ERAP1: variants seen among roughly 807,000 people sequenced by gnomAD.
ERAP1 encodes endoplasmic reticulum aminopeptidase 1.
ERAP1 carries 86 observed loss-of-function variants against 103.7 expected under a neutral mutation model. That is an observed-to-expected ratio of 0.83 (90% CI 0.70 to 0.99). The LOEUF is 0.99. ERAP1 is among the 50% of genes least tolerant of loss of function. The pLI is 0.00. For synonymous variants in ERAP1, 398 were observed against 402.4 expected, an observed-to-expected ratio of 0.99 and a Z score of 0.13; for missense variants, 1,009 against 1,128.4, an observed-to-expected ratio of 0.89 and a Z score of 1.52.
chr5:96,915,607 C>T, the ERAP1 span: 138 of 702,092 alleles, frequency 2.0e-4, no homozygotes, highest in Admixed American at 8.4e-4. Context: ...TATTAATATA[C>T]ATTAAAAATA....
At chr5:96,896,798 C>CAG in the ERAP1 span, 1 of 1,360,904 alleles carries the variant, frequency 7.3e-7, no homozygotes, top group Non-Finnish European at 9.6e-7. Context: ...AGGAATAATT[C>CAG]AGTACTTAAA....
the ERAP1 span, chr5:96,895,448 A>G: frequency 1.1e-6 from 1 of 936,670 alleles, no homozygotes; most frequent in Non-Finnish European, 1.7e-6. Flanking sequence ...AAACAGAAAA[A>G]CTACATAATG....
chr5:96,789,486 C>CA (rs11427097), intron 10 of ERAP1, among the ~76,000 whole-genome samples: 68,405 of 146,954 alleles, frequency 0.47, 15,730 homozygotes, highest in African/African-American at 0.52. Context: ...GACTCTGTCT[C>CA]AAAAAAAAAA....
intron 19 of ERAP1, chr5:96,767,499 C>G: frequency 6.2e-7 from 1 of 1,605,938 alleles, no homozygotes; most frequent in Non-Finnish European, 8.5e-7. Context: ...ACCATAGGAA[C>G]ATATTTCCAT....
At chr5:96,788,442 G>T (rs1397370996) in intron 11 of ERAP1, 89 bp downstream of exon 11, 1 of 1,469,346 alleles carries the variant, frequency 6.8e-7, no homozygotes, top group Non-Finnish European at 9.4e-7. Context: ...TAGCAATAGT[G>T]GTAAGGGCAT....
chr5:96,808,673 T>G (rs185586034), upstream of ERAP1, among the ~76,000 whole-genome samples: 506 of 152,268 alleles, frequency 3.3e-3, 8 homozygotes, highest in Admixed American at 0.022. Flanking sequence ...TTCCCTCTGA[T>G]TTTTCAAAGT....
chr5:96,793,868 C>A lies in ERAP1; in HGVS notation c.1009G>T (p.Glu337Ter). ...YRESALLFDA[E>*]KSSASSKLGI... is the part of the protein sequence containing the mutation. ...AGCTTACTTGATGCAGAAGACTTTT[C>A]TGCATCAAACAACAGAGCAGATTCT... The change falls in exon 6 of 19, where the codon GAA (glutamate) becomes TAA (stop). Residue 337 changes from glutamate to a stop codon, truncating the protein, a stop_gained. Coordinates refer to ENST00000443439, the MANE Select transcript of ERAP1 (RefSeq NM_001040458.3). LOFTEE classifies it high-confidence loss of function. 1 of 1,614,164 alleles carries A rather than the reference C, an allele frequency of 6.2e-7. No homozygotes were observed. Among genetic ancestry groups the A allele is most frequent in the East Asian group, 2.2e-5 (1 of 44,878 alleles).
chr5:96,926,739 T>C, the ERAP1 span, among the ~76,000 whole-genome samples: 1 of 152,260 alleles, frequency 6.6e-6, no homozygotes, highest in African/African-American at 2.4e-5. Flanking sequence ...ATTCATCAGT[T>C]GATGGACGTT....
At chr5:96,847,181 G>A in the ERAP1 span, among the ~76,000 whole-genome samples, 4 of 147,906 alleles carry the variant, frequency 2.7e-5, no homozygotes, top group African/African-American at 5.0e-5. Flanking sequence ...CCGGGAGGCG[G>A]AAGTTACAGT....
At position 96,787,351 on chromosome 5, in the gene ERAP1, C is replaced by T. The variant is rs573036586; in HGVS notation, c.1680-802G>A. Among the ~76,000 whole-genome samples the T allele has an allele frequency of 8.5e-3, 1,286 of 152,144 alleles. 15 individuals carry two copies. The highest frequency in any genetic ancestry group is 0.029 in the African/African-American group (1,200 of 41,510). The stretch of plus-strand genomic sequence containing the variant: ...TGCGATCTCGGCTCACTGCAACCTC[C>T]ACCTCCTGGGTACAAGCGATTCTCC... On this transcript the variant is annotated intron_variant, in intron 11 of 18. Transcript: ENST00000443439.
At chr5:96,778,723 T>A (rs1000203516) in intron 18 of ERAP1, among the ~76,000 whole-genome samples, 3 of 152,120 alleles carry the variant, frequency 2.0e-5, no homozygotes, top group Admixed American at 6.5e-5. Flanking sequence ...ATTGGCAAAG[T>A]GGCAAGGGGG....
At chr5:96,900,664 T>C in the ERAP1 span, among the ~76,000 whole-genome samples, 1 of 152,096 alleles carries the variant, frequency 6.6e-6, no homozygotes, top group African/African-American at 2.4e-5. Flanking sequence ...CCCCTGAATA[T>C]ATATATACAT....
At chr5:96,875,678 A>T in the ERAP1 span, among the ~76,000 whole-genome samples, 1 of 152,218 alleles carries the variant, frequency 6.6e-6, no homozygotes, top group Admixed American at 6.5e-5. Flanking sequence ...AAGGGTGTTT[A>T]TCTGGGGAAA....
the ERAP1 span, among the ~76,000 whole-genome samples, chr5:96,911,488 A>G: frequency 2.6e-5 from 4 of 152,320 alleles, no homozygotes; most frequent in African/African-American, 7.2e-5. Flanking sequence ...CTGCATCTTA[A>G]CAGTTTTAAA....
chr5:96,780,492 G>A lies in ERAP1; in HGVS notation c.2601C>T (p.Gly867=). The A allele has an allele frequency of 6.2e-7, 1 of 1,612,706 alleles. No individual in the cohort carries two copies. The highest frequency in any genetic ancestry group is 8.5e-7 in the Non-Finnish European group (1 of 1,178,992). ...WNKLVQKFEL[G]SSSIAHMVMG... ...TTACCATGTGGGCTATGGAAGATGAGCCAAGTTCAAACCTAGAGAGGGAAA... is the reference window on the plus strand; with the variant it reads ...TTACCATGTGGGCTATGGAAGATGAACCAAGTTCAAACCTAGAGAGGGAAA... Residue 867 remains glycine (G), a synonymous_variant, in exon 18 of 19, where the codon GGC becomes GGT. Coordinates refer to ENST00000443439, the MANE Select transcript of ERAP1 (RefSeq NM_001040458.3).
the ERAP1 span, among the ~76,000 whole-genome samples, chr5:96,904,815 T>C: frequency 6.6e-6 from 1 of 152,216 alleles, no homozygotes; most frequent in Non-Finnish European, 1.5e-5. Context: ...CTAAATTTAG[T>C]AGGAGGAAAT....
the ERAP1 span, chr5:96,883,755 A>G: frequency 6.3e-7 from 1 of 1,584,932 alleles, no homozygotes; most frequent in Non-Finnish European, 8.6e-7. Flanking sequence ...TCTTGATTTC[A>G]CTTGTGCATT....
the ERAP1 span, among the ~76,000 whole-genome samples, chr5:96,920,358 A>G: frequency 1.3e-5 from 2 of 151,562 alleles, no homozygotes; most frequent in African/African-American, 4.9e-5. Context: ...TTCTTGTCCT[A>G]TATCAGTACA....
the ERAP1 span, among the ~76,000 whole-genome samples, chr5:96,926,792 TG>T: frequency 7.2e-5 from 11 of 152,342 alleles, no homozygotes; most frequent in Admixed American, 1.3e-4. Context: ...AATGCAGCTA[TG>T]AACATTCATC....
Sources: allele counts gnomAD v4.1 joint callset (sites outside exome capture counted in the v4.1 genomes callset), GRCh38; gene constraint gnomAD v4.1.1; transcripts MANE v1.5; gene names NCBI Gene and HGNC (gene_info 2026-07-23, HGNC 2026-07-21).